The following KCND2 variants were observed in gnomAD, a reference collection of about 807,000 sequenced individuals.
KCND2 encodes the protein A-type voltage-gated potassium channel KCND2.
A neutral mutation model predicts 54.4 loss-of-function variants in KCND2; 16 were observed. The observed-to-expected ratio is 0.29, with a 90% CI of 0.20 to 0.45. KCND2 has a LOEUF of 0.45. KCND2 is among the 20% of genes least tolerant of loss of function. The pLI, the probability that KCND2 is intolerant of heterozygous loss-of-function variation, is 1.00. For synonymous variants in KCND2, 317 were observed against 310.7 expected, an observed-to-expected ratio of 1.02 and a Z score of -0.21; for missense variants, 486 against 824.2, an observed-to-expected ratio of 0.59 and a Z score of 5.02.
rs1791725000 is a variant in KCND2, at chr7:120,650,973, G to A, written c.1116-81930G>A. On this transcript the variant is annotated intron_variant, in intron 1 of 5. Coordinates refer to ENST00000331113, the MANE Select transcript of KCND2 (RefSeq NM_012281.3). Reference sequence around the variant, plus strand: ...ACGTTGCCACCTGATCGTTCCTCTGGAAGCTTCATCTCAGAGGGGTACCCA... The same window carrying A: ...ACGTTGCCACCTGATCGTTCCTCTGAAAGCTTCATCTCAGAGGGGTACCCA... Among the ~76,000 whole-genome samples the A allele has an allele frequency of 1.4e-5, 2 of 143,124 alleles. 1 individual carries two copies. The allele number at this position is 143,124 out of a possible 152,430, so 93.9% of individuals were successfully genotyped here. A position where few individuals can be genotyped will look rare whatever the true frequency, so the allele number is the denominator to read the frequency against.
intron 1 of KCND2, among the ~76,000 whole-genome samples, chr7:120,429,270 G>A (rs949328141): frequency 6.6e-6 from 1 of 152,054 alleles, no homozygotes; most frequent in Non-Finnish European, 1.5e-5. Context: ...GAAGCTATTG[G>A]CAGTTAAACA....
At chr7:120,508,153 A>G (rs1470377928) in intron 1 of KCND2, among the ~76,000 whole-genome samples, 1 of 151,928 alleles carries the variant, frequency 6.6e-6, no homozygotes, top group Non-Finnish European at 1.5e-5. Flanking sequence ...AAAGAATTGG[A>G]CGTGTTTTTC....
At chr7:120,480,284 T>C (rs1170773633) in intron 1 of KCND2, among the ~76,000 whole-genome samples, 2 of 152,046 alleles carry the variant, frequency 1.3e-5, no homozygotes, top group Admixed American at 6.6e-5. Flanking sequence ...TACTCAAATA[T>C]AGAGGAAATA....
At chr7:120,288,198 A>G (rs981218330) in intron 1 of KCND2, among the ~76,000 whole-genome samples, 1 of 152,122 alleles carries the variant, frequency 6.6e-6, no homozygotes, top group Non-Finnish European at 1.5e-5. Context: ...AATAAAAGTA[A>G]AGAAAATGGA....
rs149122248 is a variant in KCND2, at chr7:120,638,341, A to G, written c.1116-94562A>G. Among the ~76,000 whole-genome samples, 320 of 152,290 alleles carry G rather than the reference A, an allele frequency of 2.1e-3. 1 individual carries two copies. Among genetic ancestry groups the G allele is most frequent in the African/African-American group, 7.3e-3 (303 of 41,580 alleles). On this transcript the variant is annotated intron_variant, in intron 1 of 5. Coordinates refer to ENST00000331113, the MANE Select transcript of KCND2 (RefSeq NM_012281.3). ...GTAAGGCACACTGAACCAGAAGCCA[A>G]CTGAGGGATGGACAAGTTTGATGTC...
intron 1 of KCND2, among the ~76,000 whole-genome samples, chr7:120,582,981 T>G (rs572545508): frequency 6.6e-6 from 1 of 152,026 alleles, no homozygotes; most frequent in Non-Finnish European, 1.5e-5. Context: ...TGTGTGTGTA[T>G]GTTTTATGTG....
chr7:120,722,518 C>A (rs1000912987), intron 1 of KCND2, among the ~76,000 whole-genome samples: 19 of 152,182 alleles, frequency 1.2e-4, no homozygotes, highest in African/African-American at 4.6e-4. Flanking sequence ...GAATTTTGTG[C>A]ATTCTTTTCT....
chr7:120,277,414 T>C (rs1000017738), intron 1 of KCND2, among the ~76,000 whole-genome samples: 2 of 152,036 alleles, frequency 1.3e-5, no homozygotes, highest in African/African-American at 4.8e-5. Flanking sequence ...GACAAATGGG[T>C]AGTGCAAATC....
At chr7:120,478,663 A>T (rs1350276826) in intron 1 of KCND2, among the ~76,000 whole-genome samples, 2 of 152,124 alleles carry the variant, frequency 1.3e-5, no homozygotes, top group East Asian at 3.9e-4. Flanking sequence ...ATATAATTAT[A>T]CCTATAAGAA....
At chr7:120,649,503 T>C (rs190494710) in intron 1 of KCND2, among the ~76,000 whole-genome samples, 1 of 152,344 alleles carries the variant, frequency 6.6e-6, no homozygotes. Context: ...TCTTTTGCTG[T>C]GCAGAAGCTC....
At chr7:120,493,280 C>T (rs1562854348) in intron 1 of KCND2, among the ~76,000 whole-genome samples, 1 of 151,610 alleles carries the variant, frequency 6.6e-6, no homozygotes, top group Non-Finnish European at 1.5e-5. Context: ...CCATAAGCAT[C>T]CTGTAAAGCA....
intron 1 of KCND2, among the ~76,000 whole-genome samples, chr7:120,434,332 T>A (rs887024218): frequency 1.3e-5 from 2 of 152,158 alleles, no homozygotes; most frequent in Non-Finnish European, 2.9e-5. Context: ...CCCTTTGTGG[T>A]GTGGGTAAAA....
chr7:120,590,635 T>G lies in KCND2; in HGVS notation c.1116-142268T>G, dbSNP rs1201220518. 3.9e-5 allele frequency among the ~76,000 whole-genome samples: 6 copies of G among 152,196 alleles called. No individual in the cohort carries two copies. In the East Asian group the frequency reaches 1.2e-3, roughly 29 times the overall value. On this transcript the variant is annotated intron_variant, in intron 1 of 5. Coordinates refer to ENST00000331113, the MANE Select transcript of KCND2 (RefSeq NM_012281.3). ...GAGAGAGAAGTTCCAATCAGAGCTT[T>G]CATCTGATTCTCAAAAGAATATGCA...
At chr7:120,294,482 CATTT>C (rs1799480403) in intron 1 of KCND2, among the ~76,000 whole-genome samples, 1 of 151,572 alleles carries the variant, frequency 6.6e-6, no homozygotes, top group African/African-American at 2.4e-5. Flanking sequence ...TATATTATCT[CATTT>C]ATAAAATCAC....
chr7:120,462,392 C>G (rs1002956994), intron 1 of KCND2, among the ~76,000 whole-genome samples: 1 of 151,982 alleles, frequency 6.6e-6, no homozygotes, highest in African/African-American at 2.4e-5. Context: ...ACTCAACTCT[C>G]TTGTACAAAT....
intron 1 of KCND2, among the ~76,000 whole-genome samples, chr7:120,540,942 A>G (rs1791972636): frequency 6.6e-6 from 1 of 152,220 alleles, no homozygotes; most frequent in African/African-American, 2.4e-5. Context: ...TGACTAGGCT[A>G]TTCATTTTTA....
At position 120,446,878 on chromosome 7, in the gene KCND2, T is replaced by G. The variant is rs557793209; in HGVS notation, c.1115+171131T>G. 2.0e-5 allele frequency among the ~76,000 whole-genome samples: 3 copies of G among 152,302 alleles called. No homozygotes were observed. The South Asian group carries it at 6.2e-4, about 32-fold the overall frequency. On this transcript the variant is annotated intron_variant, in intron 1 of 5. Transcript: ENST00000331113. Reference sequence around the variant, plus strand: ...TTTCACTTGCAATTCTAACATGGCATTTTGCATTTCTAAAAACTTGATTTA... The same window carrying G: ...TTTCACTTGCAATTCTAACATGGCAGTTTGCATTTCTAAAAACTTGATTTA...
At chr7:120,514,004 A>T (rs186075196) in intron 1 of KCND2, among the ~76,000 whole-genome samples, 1 of 152,226 alleles carries the variant, frequency 6.6e-6, no homozygotes, top group East Asian at 1.9e-4. Flanking sequence ...TGAATTCATT[A>T]ATAATAATGT....
At chr7:120,510,840 C>T (rs1158584014) in intron 1 of KCND2, among the ~76,000 whole-genome samples, 1 of 151,854 alleles carries the variant, frequency 6.6e-6, no homozygotes, top group East Asian at 1.9e-4. Flanking sequence ...AGCCTCGTCC[C>T]TCCTCCTTCT....
Sources: allele counts gnomAD v4.1 joint callset (sites outside exome capture counted in the v4.1 genomes callset), GRCh38; gene constraint gnomAD v4.1.1; transcripts MANE v1.5; gene names NCBI Gene and HGNC (gene_info 2026-07-23, HGNC 2026-07-21).